RAD54B: variants seen among roughly 807,000 people sequenced by gnomAD.
RAD54B encodes the protein DNA repair and recombination protein RAD54B.
RAD54B carries 78 observed loss-of-function variants against 95.8 expected under a neutral mutation model. The observed-to-expected ratio is 0.81, with a 90% CI of 0.68 to 0.98. RAD54B has a LOEUF of 0.98. RAD54B is among the 50% of genes least tolerant of loss of function. The probability of loss-of-function intolerance (pLI) is 0.00; values close to 1 mark genes in which losing one functional copy is unlikely to be tolerated. For missense variants in RAD54B, 957 were observed against 1,056.6 expected (o/e 0.91, Z 1.31); for synonymous variants, 328 against 354.9 (o/e 0.92, Z 0.85).
At chr8:94,406,015 C>CAT (rs1811381325) in intron 5 of RAD54B, among the ~76,000 whole-genome samples, 1 of 144,078 alleles carries the variant, frequency 6.9e-6, no homozygotes, top group African/African-American at 2.5e-5. Context: ...CACACACACA[C>CAT]ACACACACAC....
intron 3 of RAD54B, among the ~76,000 whole-genome samples, chr8:94,427,275 A>C (rs1811966230): frequency 6.6e-6 from 1 of 151,994 alleles, no homozygotes; most frequent in Non-Finnish European, 1.5e-5. Context: ...TTTGCTTTCC[A>C]CTATTACAAA....
chr8:94,452,777 CT>C (rs1343766878), intron 3 of RAD54B, among the ~76,000 whole-genome samples: 7 of 151,978 alleles, frequency 4.6e-5, no homozygotes, highest in Admixed American at 2.0e-4. Context: ...GATTACAGGC[CT>C]GAGCCACCAC....
At chr8:94,391,081 T>C (rs1811006290) in intron 10 of RAD54B, among the ~76,000 whole-genome samples, 1 of 152,164 alleles carries the variant, frequency 6.6e-6, no homozygotes, top group African/African-American at 2.4e-5. Flanking sequence ...AACCTGTATA[T>C]AATTAGTGCT....
At chr8:94,377,545 GAA>G (rs71273330) in intron 14 of RAD54B, among the ~76,000 whole-genome samples, 166 of 70,388 alleles carry the variant, frequency 2.4e-3, no homozygotes, top group East Asian at 5.3e-3. Flanking sequence ...CCCTGTCTTG[GAA>G]AAAAAAAAAA....
At chr8:94,440,555 AT>A (rs1211569746) in intron 3 of RAD54B, among the ~76,000 whole-genome samples, 1 of 152,214 alleles carries the variant, frequency 6.6e-6, no homozygotes, top group Non-Finnish European at 1.5e-5. Context: ...TTCTTTGCCA[AT>A]GCTCGTTGGT....
At chr8:94,434,578 T>C (rs1812205667) in intron 3 of RAD54B, among the ~76,000 whole-genome samples, 1 of 151,864 alleles carries the variant, frequency 6.6e-6, no homozygotes, top group African/African-American at 2.4e-5. Flanking sequence ...AAGGAAGAGT[T>C]TGGTAAGATT....
At chr8:94,384,520 TTTCAGTTTTGTTTGCAAA>T (rs1810823674) in intron 11 of RAD54B, among the ~76,000 whole-genome samples, 7 of 151,864 alleles carry the variant, frequency 4.6e-5, no homozygotes, top group South Asian at 2.1e-4. Context: ...GTTTAATAGA[TTTCAGTTTTGTTTGCAAA>T]ACTGAAATAG....
chr8:94,418,709 T>A (rs940970005), intron 3 of RAD54B, among the ~76,000 whole-genome samples: 1 of 152,216 alleles, frequency 6.6e-6, no homozygotes, highest in African/African-American at 2.4e-5. Flanking sequence ...AATGGAATCA[T>A]ACAGTATACA....
intron 1 of RAD54B, among the ~76,000 whole-genome samples, chr8:94,471,272 G>GT (rs923124807): frequency 6.7e-6 from 1 of 149,276 alleles, no homozygotes; most frequent in Admixed American, 6.7e-5. Context: ...GGGTGGCGGG[G>GT]GGGGGCAGTA....
chr8:94,414,881 G>A (rs1215022130), intron 3 of RAD54B, among the ~76,000 whole-genome samples: 1 of 152,088 alleles, frequency 6.6e-6, no homozygotes, highest in African/African-American at 2.4e-5. Context: ...ACAAACAAAT[G>A]GAAGAACATT....
chr8:94,399,275 C>A (rs1475974233), intron 8 of RAD54B, 139 bp downstream of exon 8: 7 of 685,842 alleles, frequency 1.0e-5, no homozygotes, highest in Admixed American at 9.0e-5. Flanking sequence ...AGAATCCTAC[C>A]AAGAGTTAAT....
chr8:94,473,478 T>G (rs552753152), intron 1 of RAD54B, among the ~76,000 whole-genome samples: 2 of 152,332 alleles, frequency 1.3e-5, no homozygotes, highest in East Asian at 1.9e-4. Flanking sequence ...ACCATAATCA[T>G]GCTTACACAC....
At chr8:94,474,758 A>G (rs113250329) in intron 1 of RAD54B, among the ~76,000 whole-genome samples, 1,575 of 152,184 alleles carry the variant, frequency 0.01, 19 homozygotes, top group African/African-American at 0.036. Context: ...CATCCCTCCC[A>G]CACAAACGCA....
intron 3 of RAD54B, chr8:94,431,986 A>G: frequency 7.6e-7 from 1 of 1,307,748 alleles, no homozygotes; most frequent in Non-Finnish European, 9.8e-7. Flanking sequence ...AAAAGAAAAT[A>G]ATTAGAAAAT....
At chr8:94,376,085 T>C (rs796608070) in intron 14 of RAD54B, among the ~76,000 whole-genome samples, 37 of 152,300 alleles carry the variant, frequency 2.4e-4, no homozygotes, top group African/African-American at 7.9e-4. Flanking sequence ...CTGGCTAATA[T>C]GACAGAATTC....
chr8:94,435,732 G>C (rs994163657), intron 3 of RAD54B, among the ~76,000 whole-genome samples: 1 of 151,858 alleles, frequency 6.6e-6, no homozygotes, highest in African/African-American at 2.4e-5. Flanking sequence ...TTGCTCTTAG[G>C]GGTATTTTAA....
In RAD54B at chr8:94,387,666, A is replaced by G. The variant is rs190186912; in HGVS notation, c.1810-507T>C. Among the ~76,000 whole-genome samples, 26 of 152,350 alleles carry G rather than the reference A, an allele frequency of 1.7e-4. No homozygotes were observed. In the East Asian group the frequency reaches 4.6e-3, roughly 27 times the overall value. On this transcript the variant is annotated intron_variant, in intron 10 of 14. Coordinates refer to ENST00000336148, the MANE Select transcript of RAD54B (RefSeq NM_012415.3). ...TAATCTTACCAGTTTCTTCTGTAAG[A>G]AGGAAGAATTTCACCAATAAATTAA...
chr8:94,376,140 A>C (rs1038420005), intron 14 of RAD54B, among the ~76,000 whole-genome samples: 2 of 152,158 alleles, frequency 1.3e-5, no homozygotes, highest in Non-Finnish European at 2.9e-5. Flanking sequence ...CATGCACAAA[A>C]CAAACATTTA....
At chr8:94,422,647 T>C (rs1290500591) in intron 3 of RAD54B, among the ~76,000 whole-genome samples, 1 of 98,876 alleles carries the variant, frequency 1.0e-5, no homozygotes, top group African/African-American at 4.0e-5. Flanking sequence ...TATATATATA[T>C]ATATATAAAA....
Sources: gnomAD v4.1 joint callset for allele counts (sites outside exome capture counted in the v4.1 genomes callset) on GRCh38, gnomAD v4.1.1 for gene constraint, MANE v1.5 for transcripts, NCBI Gene and HGNC (gene_info 2026-07-23, HGNC 2026-07-21) for gene names.